Variants in EDIL3 observed in about 807,000 individuals in gnomAD.
The protein encoded by EDIL3 is EGF-like repeat and discoidin I-like domain-containing protein 3.
A neutral mutation model predicts 67.4 loss-of-function variants in EDIL3; 37 were observed. The observed-to-expected ratio is 0.55, with a 90% CI of 0.42 to 0.72. The LOEUF (loss-of-function observed/expected upper bound fraction) is 0.72. Among genes scored for constraint, EDIL3 ranks in the 30% least tolerant of loss-of-function variants. The pLI, the probability that EDIL3 is intolerant of heterozygous loss-of-function variation, is 0.00. For missense variants in EDIL3, 527 were observed against 586.3 expected (o/e 0.90, Z 1.04); for synonymous variants, 195 against 196.3 (o/e 0.99, Z 0.05).
intron 10 of EDIL3, among the ~76,000 whole-genome samples, chr5:83,947,698 C>G (rs1744338979): frequency 6.6e-6 from 1 of 151,792 alleles, no homozygotes; most frequent in Non-Finnish European, 1.5e-5. Context: ...TGTATTTAGA[C>G]AGTTTGAAAG....
At chr5:84,068,619 C>G (rs537770390) in intron 6 of EDIL3, among the ~76,000 whole-genome samples, 2 of 152,236 alleles carry the variant, frequency 1.3e-5, no homozygotes, top group African/African-American at 4.8e-5. Flanking sequence ...TTAAGCATCA[C>G]CCAGTTTGGG....
chr5:84,104,431 A>G (rs1050385269), intron 6 of EDIL3, among the ~76,000 whole-genome samples: 4 of 152,020 alleles, frequency 2.6e-5, no homozygotes, highest in Admixed American at 2.6e-4. Context: ...TGTAAAAAAT[A>G]ACATTAAAAA....
At chr5:84,240,081 A>T (rs776546526) in intron 2 of EDIL3, among the ~76,000 whole-genome samples, 2 of 152,210 alleles carry the variant, frequency 1.3e-5, no homozygotes, top group Non-Finnish European at 2.9e-5. Context: ...ACTTAGCATC[A>T]ATTTCAGTCA....
At chr5:84,292,903 A>G (rs1270925424) in intron 1 of EDIL3, among the ~76,000 whole-genome samples, 9 of 152,146 alleles carry the variant, frequency 5.9e-5, no homozygotes, top group Admixed American at 5.9e-4. Flanking sequence ...CAGGTAATTT[A>G]TCTCCTAGCA....
chr5:83,957,028 G>A (rs1744527906), intron 10 of EDIL3, among the ~76,000 whole-genome samples: 1 of 151,710 alleles, frequency 6.6e-6, no homozygotes, highest in South Asian at 2.1e-4. Flanking sequence ...CTATCATGTA[G>A]GGGCACACTT....
intron 1 of EDIL3, among the ~76,000 whole-genome samples, chr5:84,287,362 C>T (rs1296052794): frequency 6.6e-6 from 1 of 152,126 alleles, no homozygotes. Context: ...GTCTTCTCTG[C>T]AGCATATCTC....
rs182645656 is a variant in EDIL3 at position 84,149,581 on chromosome 5, G to C, written c.356-12227C>G. On this transcript the variant is annotated intron_variant, in intron 4 of 10. Transcript: ENST00000296591. ...AAAACTAAGCTCAAGAGAATATATA[G>C]GACTACAAAGTACTGAGCACTCAGC... 4.5e-3 allele frequency among the ~76,000 whole-genome samples: 684 copies of C among 151,978 alleles called. 6 individuals carry two copies. Among genetic ancestry groups the C allele is most frequent in the African/African-American group, 0.016 (667 of 41,444 alleles).
chr5:84,008,326 G>C (rs562957762), intron 9 of EDIL3, among the ~76,000 whole-genome samples: 2 of 152,126 alleles, frequency 1.3e-5, no homozygotes, highest in Admixed American at 6.6e-5. Context: ...ATAAATGCTT[G>C]AGGTGAAGGA....
At chr5:84,070,631 G>GTT (rs1434620642) in intron 6 of EDIL3, among the ~76,000 whole-genome samples, 3 of 151,770 alleles carry the variant, frequency 2.0e-5, no homozygotes, top group Non-Finnish European at 4.4e-5. Context: ...GTGTGTGTGT[G>GTT]TGTGTGTGTG....
intron 1 of EDIL3, among the ~76,000 whole-genome samples, chr5:84,345,301 A>G (rs1331004227): frequency 1.3e-5 from 2 of 152,068 alleles, no homozygotes; most frequent in African/African-American, 4.8e-5. Context: ...TGAACACACT[A>G]TTTTCCACAA....
At chr5:84,246,420 G>A (rs1744910744) in intron 2 of EDIL3, among the ~76,000 whole-genome samples, 1 of 152,232 alleles carries the variant, frequency 6.6e-6, no homozygotes, top group Non-Finnish European at 1.5e-5. Context: ...AGACGTAAAA[G>A]ATGTTCCAGA....
chr5:84,146,176 C>G (rs1748287880), intron 4 of EDIL3, among the ~76,000 whole-genome samples: 1 of 152,074 alleles, frequency 6.6e-6, no homozygotes, highest in African/African-American at 2.4e-5. Context: ...TTATTATGTA[C>G]CAAACACTGT....
chr5:84,154,659 T>A (rs1748458811), intron 4 of EDIL3, among the ~76,000 whole-genome samples: 1 of 151,048 alleles, frequency 6.6e-6, no homozygotes. Context: ...CCATACTTCT[T>A]GAAGAGGCCT....
intron 9 of EDIL3, among the ~76,000 whole-genome samples, chr5:84,038,834 A>G (rs1424421204): frequency 6.6e-6 from 1 of 152,216 alleles, no homozygotes; most frequent in African/African-American, 2.4e-5. Context: ...ATTTTGGATA[A>G]AACTTGGCTC....
At chr5:84,015,976 T>C (rs969520541) in intron 9 of EDIL3, among the ~76,000 whole-genome samples, 59 of 152,078 alleles carry the variant, frequency 3.9e-4, no homozygotes, top group African/African-American at 1.4e-3. Context: ...GTAGTACAGA[T>C]CCTCTCATCA....
chr5:84,131,344 G>A (rs1221037258), intron 5 of EDIL3, among the ~76,000 whole-genome samples: 2 of 152,028 alleles, frequency 1.3e-5, no homozygotes, highest in African/African-American at 2.4e-5. Flanking sequence ...AATAGAAAAT[G>A]TTTAAACTTC....
intron 9 of EDIL3, among the ~76,000 whole-genome samples, chr5:83,992,296 A>G (rs1484697819): frequency 6.6e-6 from 1 of 152,218 alleles, no homozygotes; most frequent in Non-Finnish European, 1.5e-5. Context: ...TGAACTCTTT[A>G]GATTAAAAAT....
intron 3 of EDIL3, among the ~76,000 whole-genome samples, chr5:84,218,511 G>C (rs72776553): frequency 6.6e-6 from 1 of 152,104 alleles, no homozygotes; most frequent in Non-Finnish European, 1.5e-5. Flanking sequence ...ACACCAGACC[G>C]AACAACTATC....
intron 10 of EDIL3, among the ~76,000 whole-genome samples, chr5:83,958,976 TC>T (rs1238777421): frequency 1.3e-5 from 2 of 151,152 alleles, no homozygotes; most frequent in Non-Finnish European, 3.0e-5. Flanking sequence ...AATGAGAGTG[TC>T]ATCACAGGCT....
Sources: gnomAD v4.1 joint callset for allele counts (sites outside exome capture counted in the v4.1 genomes callset) on GRCh38, gnomAD v4.1.1 for gene constraint, MANE v1.5 for transcripts, NCBI Gene and HGNC (gene_info 2026-07-23, HGNC 2026-07-21) for gene names.